The following FOXO1 variants were observed in gnomAD, a reference collection of about 807,000 sequenced individuals.
The protein encoded by FOXO1 is forkhead box protein O1.
Under a neutral mutation model 44.1 loss-of-function variants are expected in FOXO1, and 6 were observed. That is an observed-to-expected ratio of 0.14 (90% CI 0.07 to 0.27). The LOEUF (loss-of-function observed/expected upper bound fraction) is 0.27. FOXO1 is among the 10% of genes least tolerant of loss of function. FOXO1 has a pLI of 1.00. For missense variants in FOXO1, 737 were observed against 888.8 expected, an observed-to-expected ratio of 0.83 and a Z score of 2.17; for synonymous variants, 380 against 362.7, an observed-to-expected ratio of 1.05 and a Z score of -0.54.
chr13:40,642,773 A>T (rs1424343344), intron 1 of FOXO1, among the ~76,000 whole-genome samples: 3 of 151,952 alleles, frequency 2.0e-5, no homozygotes, highest in Non-Finnish European at 2.9e-5. Flanking sequence ...ACAAAAAAGT[A>T]GTCTACCATG....
At chr13:40,649,651 T>C (rs1877616660) in intron 1 of FOXO1, among the ~76,000 whole-genome samples, 1 of 152,212 alleles carries the variant, frequency 6.6e-6, no homozygotes, top group Non-Finnish European at 1.5e-5. Context: ...CAGAGCACAA[T>C]AATTATTTTA....
chr13:40,619,690 A>T, intron 1 of FOXO1: 1 of 1,338,810 alleles, frequency 7.5e-7, no homozygotes, highest in Non-Finnish European at 1.1e-6. Context: ...TCTAAGGACT[A>T]GGCTTGCTTC....
Position 40,665,804 on chromosome 13 carries a change from CCGGCGGGTGCTGCGACAGCGGCCCGGG to C in FOXO1, c.382_408del (p.Pro128_Pro136del), listed in dbSNP as rs1878218274. 1 of 1,229,980 alleles carries C rather than the reference CCGGCGGGTGCTGCGACAGCGGCCCGGG, an allele frequency of 8.1e-7. No individual in the cohort carries two copies. The highest frequency in any genetic ancestry group is 1.0e-6 in the Non-Finnish European group (1 of 980,620). 76.2% of individuals were successfully genotyped at this position (1,229,980 alleles called of 1,614,324 possible). Reference sequence around the variant, plus strand: ...AGCGGCCCAGCGGCGGCGGGGGGCACCGGCGGGTGCTGCGACAGCGGCCCGGGCGGCGGGGGCTGCGGTGGCGCTGGG... The same window carrying C: ...AGCGGCCCAGCGGCGGCGGGGGGCACCGGCGGGGGCTGCGGTGGCGCTGGG... On this transcript the variant is annotated inframe_deletion, in exon 1 of 3. Coordinates refer to ENST00000379561, the MANE Select transcript of FOXO1 (RefSeq NM_002015.4).
Position 40,559,762 on chromosome 13 carries a change from C to A in FOXO1, c.1729G>T (p.Gly577Cys). ...TTGCAGCTGCTCACGGAGGAGTAGC[C>A]CCCCAGGGCACTCATCTGCATGGGG... is the stretch of plus-strand genomic sequence containing the variant. ...PHPMQMSALG[G>C]YSSVSSCNGY... The change falls in exon 2 of 3, where the codon GGC (glycine) becomes TGC (cysteine). Residue 577 changes from glycine to cysteine, a missense_variant. Around this residue, in one of 7 missense-constraint regions of FOXO1, gnomAD observed 283 missense variants for 278.1 expected, o/e 1.02. Coordinates refer to ENST00000379561, the MANE Select transcript of FOXO1 (RefSeq NM_002015.4). The A allele has an allele frequency of 6.8e-6, 11 of 1,613,102 alleles. No individual in the cohort carries two copies. The highest frequency in any genetic ancestry group is 8.5e-6 in the Non-Finnish European group (10 of 1,179,412).
chr13:40,632,602 T>C (rs1005143870), intron 1 of FOXO1, among the ~76,000 whole-genome samples: 1 of 151,446 alleles, frequency 6.6e-6, no homozygotes, highest in African/African-American at 2.4e-5. Context: ...AGTGCCATTG[T>C]ACTACAGCCT....
intron 1 of FOXO1, among the ~76,000 whole-genome samples, chr13:40,595,308 G>A (rs936333294): frequency 6.6e-6 from 1 of 152,166 alleles, no homozygotes; most frequent in Non-Finnish European, 1.5e-5. Flanking sequence ...GTAAGTTGGA[G>A]GGGGACTGAG....
At chr13:40,622,969 T>C (rs1330918521) in intron 1 of FOXO1, among the ~76,000 whole-genome samples, 1 of 152,180 alleles carries the variant, frequency 6.6e-6, no homozygotes, top group African/African-American at 2.4e-5. Context: ...CCCATGCCAA[T>C]CATTTCATGA....
chr13:40,665,841 C>T lies in FOXO1; in HGVS notation c.372G>A (p.Gln124=), dbSNP rs1401476041. The T allele has an allele frequency of 1.2e-5, 14 of 1,140,292 alleles. No homozygotes were observed. The East Asian group carries it at 6.4e-4, about 52-fold the overall frequency. The allele number at this position is 1,140,292 out of a possible 1,614,324, so 70.6% of individuals were successfully genotyped here. The change falls in exon 1 of 3, where the codon CAG becomes CAA. Residue 124 remains glutamine, a synonymous_variant. Coordinates refer to ENST00000379561, the MANE Select transcript of FOXO1 (RefSeq NM_002015.4). ...EAGCLHPAPP[Q]PPPPGPLSQH... The stretch of plus-strand genomic sequence containing the variant: ...GCGACAGCGGCCCGGGCGGCGGGGG[C>T]TGCGGTGGCGCTGGGTGCAGGCAGC...
chr13:40,650,123 G>C (rs1346577289), intron 1 of FOXO1, among the ~76,000 whole-genome samples: 4 of 150,054 alleles, frequency 2.7e-5, no homozygotes, highest in African/African-American at 9.9e-5. Flanking sequence ...AACGAGGGGT[G>C]GATTATTCAT....
At chr13:40,601,804 T>G (rs924096599) in intron 1 of FOXO1, among the ~76,000 whole-genome samples, 3 of 152,178 alleles carry the variant, frequency 2.0e-5, no homozygotes, top group African/African-American at 7.2e-5. Context: ...ACCACTAATG[T>G]CTTGATTTGA....
chr13:40,619,157 C>G (rs1411755650), intron 1 of FOXO1, among the ~76,000 whole-genome samples: 1 of 152,042 alleles, frequency 6.6e-6, no homozygotes, highest in Non-Finnish European at 1.5e-5. Flanking sequence ...TGTGGTGGCA[C>G]ATGCCTGTAA....
chr13:40,587,305 A>G (rs2137859836), intron 1 of FOXO1, among the ~76,000 whole-genome samples: 2 of 150,752 alleles, frequency 1.3e-5, no homozygotes, highest in East Asian at 2.0e-4. Flanking sequence ...GGCAGGGCGG[A>G]GCAGGAGACC....
rs192329241 is a variant in FOXO1, at chr13:40,666,286, G to A, written c.-74C>T. 404 of 1,256,148 alleles carry A rather than the reference G, an allele frequency of 3.2e-4. 1 individual carries two copies. The African/African-American group carries it at 5.6e-3, about 17-fold the overall frequency. The allele number at this position is 1,256,148 out of a possible 1,614,324, so 77.8% of individuals were successfully genotyped here. A position where few individuals can be genotyped will look rare whatever the true frequency, so the allele number is the denominator to read the frequency against. ...ACGCAGCACTGGGGGCGGACGGGGA[G>A]GGGGCGCGAAGGGACGGTCCGAGAT... On this transcript the variant is annotated 5_prime_UTR_variant, in exon 1 of 3. Transcript: ENST00000379561.
intron 1 of FOXO1, among the ~76,000 whole-genome samples, chr13:40,596,733 C>T (rs1378342148): frequency 2.6e-5 from 4 of 152,186 alleles, no homozygotes; most frequent in Admixed American, 6.5e-5. Context: ...TCAATGAAAA[C>T]GGAAGTTCCA....
intron 1 of FOXO1, among the ~76,000 whole-genome samples, chr13:40,628,282 A>G (rs1210110413): frequency 6.6e-6 from 1 of 151,992 alleles, no homozygotes; most frequent in Non-Finnish European, 1.5e-5. Context: ...AAGCATACCC[A>G]TGTCAAAACT....
At chr13:40,657,497 T>C (rs1877896805) in intron 1 of FOXO1, among the ~76,000 whole-genome samples, 1 of 151,972 alleles carries the variant, frequency 6.6e-6, no homozygotes, top group Non-Finnish European at 1.5e-5. Context: ...CACACTCACT[T>C]AATCTCTTCT....
In FOXO1 at chr13:40,617,541, C is replaced by T. The variant is rs938536619; in HGVS notation, c.630+48042G>A. On this transcript the variant is annotated intron_variant, in intron 1 of 2. Transcript: ENST00000379561. Reference sequence around the variant, plus strand: ...CCCACATTCTTGTGACCAGGTAATACGTCCCCAGCATCTAGGAGCCAGAAA... The same window carrying T: ...CCCACATTCTTGTGACCAGGTAATATGTCCCCAGCATCTAGGAGCCAGAAA... Among the ~76,000 whole-genome samples, 8 of 151,904 alleles carry T rather than the reference C, an allele frequency of 5.3e-5. No homozygotes were observed. In the East Asian group the frequency reaches 1.2e-3, roughly 22 times the overall value.
At position 40,566,270 on chromosome 13, in the gene FOXO1, G is replaced by A. The variant is rs375871286; in HGVS notation, c.631-5410C>T. Among the ~76,000 whole-genome samples, 6 of 152,176 alleles carry A rather than the reference G, an allele frequency of 3.9e-5. No individual in the cohort carries two copies. The East Asian group carries it at 9.6e-4, about 24-fold the overall frequency. ...TGAGGTGCTGAGGCTGGTCCCCAGA[G>A]ACCCCTGAGGACACATGCCCTCCCC... is the stretch of plus-strand genomic sequence containing the variant. On this transcript the variant is annotated intron_variant, in intron 1 of 2. Coordinates refer to ENST00000379561, the MANE Select transcript of FOXO1 (RefSeq NM_002015.4).
chr13:40,637,443 CAAAAAA>C (rs894457880), intron 1 of FOXO1, among the ~76,000 whole-genome samples: 1 of 52,586 alleles, frequency 1.9e-5, no homozygotes, highest in South Asian at 8.4e-4. Flanking sequence ...GACTCCATCA[CAAAAAA>C]AAAAAAAAAA....
Sources: gnomAD v4.1 joint callset for allele counts (sites outside exome capture counted in the v4.1 genomes callset) on GRCh38, gnomAD v4.1.1 for gene constraint, gnomAD v4.1.1 regional missense constraint, MANE v1.5 for transcripts, NCBI Gene and HGNC (gene_info 2026-07-23, HGNC 2026-07-21) for gene names.